Variants in NEIL3 observed in about 807,000 individuals in gnomAD.
NEIL3 encodes nei like DNA glycosylase 3.
NEIL3 carries 48 observed loss-of-function variants against 57.5 expected under a neutral mutation model. The ratio of observed to expected loss-of-function variants is 0.83; its 90% CI spans 0.66 to 1.06. The LOEUF (loss-of-function observed/expected upper bound fraction) is 1.06, where lower values mean the gene tolerates loss of function less well. Among genes scored for constraint, NEIL3 ranks in the 50% least tolerant of loss-of-function variants. NEIL3 has a pLI of 0.00. For missense variants in NEIL3, 717 were observed against 739.1 expected (o/e 0.97, Z 0.35); for synonymous variants, 261 against 253.2 (o/e 1.03, Z -0.29).
intron 1 of NEIL3, among the ~76,000 whole-genome samples, chr4:177,320,244 G>T (rs1178102024): frequency 6.6e-6 from 1 of 152,050 alleles, no homozygotes; most frequent in African/African-American, 2.4e-5. Flanking sequence ...TGTCAATTCA[G>T]GGCTCTAAAA....
intron 2 of NEIL3, among the ~76,000 whole-genome samples, chr4:177,331,688 A>G (rs1018689507): frequency 6.6e-6 from 1 of 152,182 alleles, no homozygotes. Flanking sequence ...GAAGACAAAA[A>G]GCTAAATCCC....
At chr4:177,368,355 A>G in the NEIL3 span, among the ~76,000 whole-genome samples, 67 of 152,276 alleles carry the variant, frequency 4.4e-4, no homozygotes, top group Non-Finnish European at 8.2e-4. Flanking sequence ...TTATCATTGT[A>G]TATTATAGTT....
In NEIL3 at chr4:177,353,366, G is replaced by A. The variant is rs150639375; in HGVS notation, c.1098G>A (p.Pro366=). 2.6e-4 allele frequency: 423 copies of A among 1,613,732 alleles called. 1 individual carries two copies. Among genetic ancestry groups the A allele is most frequent in the Admixed American group, 1.5e-3 (90 of 59,984 alleles). The part of the protein sequence containing the change: ...STVFSHLMKY[P]CNTFGKPHTE... ...TCTTTAGCCACTTAATGAAGTACCC[G>A]TGTAATACTTTTGGAAAACCTCATA... The change falls in exon 8 of 10, where the codon CCG becomes CCA. Residue 366 remains proline (P), a synonymous_variant. Coordinates refer to ENST00000264596, the MANE Select transcript of NEIL3 (RefSeq NM_018248.3).
intron 1 of NEIL3, among the ~76,000 whole-genome samples, chr4:177,319,969 G>A (rs1438755584): frequency 6.6e-6 from 1 of 152,146 alleles, no homozygotes; most frequent in East Asian, 1.9e-4. Context: ...ACTTATAAAT[G>A]TGGGTTTAAA....
At chr4:177,360,245 A>T (rs972641010) in intron 8 of NEIL3, among the ~76,000 whole-genome samples, 13 of 152,274 alleles carry the variant, frequency 8.5e-5, no homozygotes, top group African/African-American at 2.9e-4. Context: ...TTTACTGGAT[A>T]CACAGTCCAG....
At chr4:177,316,042 CT>C (rs1282957672) in intron 1 of NEIL3, among the ~76,000 whole-genome samples, 1 of 152,136 alleles carries the variant, frequency 6.6e-6, no homozygotes, top group Admixed American at 6.5e-5. Flanking sequence ...TATATGCTAT[CT>C]TTTTTCCTAT....
intron 1 of NEIL3, among the ~76,000 whole-genome samples, chr4:177,310,619 T>C (rs1205895478): frequency 1.3e-5 from 2 of 152,236 alleles, no homozygotes; most frequent in East Asian, 1.9e-4. Context: ...CAACTTCATA[T>C]TGCCATCTAA....
intron 4 of NEIL3, among the ~76,000 whole-genome samples, chr4:177,336,580 C>T (rs1734983801): frequency 1.3e-5 from 2 of 152,142 alleles, no homozygotes; most frequent in Admixed American, 6.5e-5. Context: ...TTTTTGTTCT[C>T]TCCATACCAG....
chr4:177,319,720 T>C (rs562199995), intron 1 of NEIL3, among the ~76,000 whole-genome samples: 4 of 152,130 alleles, frequency 2.6e-5, no homozygotes, highest in Admixed American at 6.5e-5. Context: ...GGAGTGGCAG[T>C]AGTAGCAAAT....
chr4:177,322,277 A>G (rs34508969), intron 1 of NEIL3, among the ~76,000 whole-genome samples, 182 bp from the exon 2 acceptor site: 58 of 152,162 alleles, frequency 3.8e-4, no homozygotes, highest in African/African-American at 1.3e-3. Context: ...AAATGACTGC[A>G]TAGTGATTTG....
intron 2 of NEIL3, among the ~76,000 whole-genome samples, chr4:177,331,411 T>TACTA (rs1734882585): frequency 6.6e-6 from 1 of 151,888 alleles, no homozygotes; most frequent in Non-Finnish European, 1.5e-5. Flanking sequence ...TGTGCCTTTA[T>TACTA]ACTAGATCCT....
chr4:177,353,687 A>T lies in NEIL3; in HGVS notation c.1419A>T (p.Ser473=), dbSNP rs897051536. 31 of 1,613,494 alleles carry T rather than the reference A, an allele frequency of 1.9e-5. No individual in the cohort carries two copies. Among genetic ancestry groups the T allele is most frequent in the Non-Finnish European group, 2.6e-5 (31 of 1,179,784 alleles). ...AAAAACCGAAAACAGCCCAATACTC[A>T]TCACCAGAGCTTAAAAGCTGCAACC... ...AHKKPKTAQY[S]SPELKSCNPG... is the part of the protein sequence containing the mutation. The change falls in exon 8 of 10, where the codon TCA becomes TCT. Residue 473 remains serine (S), a synonymous_variant. Transcript: ENST00000264596.
intron 4 of NEIL3, 88 bp downstream of exon 4, chr4:177,336,409 A>G (rs958014917): frequency 2.1e-6 from 2 of 973,320 alleles, no homozygotes; most frequent in Admixed American, 4.4e-5. Flanking sequence ...GCATTTCAGT[A>G]ACACAGTCTC....
At chr4:177,352,976 T>C (rs548439696) in intron 7 of NEIL3, among the ~76,000 whole-genome samples, 1 of 152,344 alleles carries the variant, frequency 6.6e-6, no homozygotes, top group African/African-American at 2.4e-5. Flanking sequence ...ATCTCTCAAC[T>C]ACCACTTTTT....
rs749430879 is a variant in NEIL3, at chr4:177,351,206, C to CAAAAAAAA, written c.870-149_870-142dup. 6.0e-4 allele frequency among the ~76,000 whole-genome samples: 35 copies of CAAAAAAAA among 58,522 alleles called. 2 individuals carry two copies. Among genetic ancestry groups the CAAAAAAAA allele is most frequent in the African/African-American group, 1.2e-3 (15 of 12,830 alleles). 38.4% of individuals were successfully genotyped at this position (58,522 alleles called of 152,430 possible). A position where few individuals can be genotyped will look rare whatever the true frequency, so the allele number is the denominator to read the frequency against. ...ATGACAGAGCAAGACCCCATCTCTA[C>CAAAAAAAA]AAAAAAAAAAAAAAAAAAAAAAAAA... On this transcript the variant is annotated intron_variant, in intron 6 of 9. Transcript: ENST00000264596.
intron 2 of NEIL3, among the ~76,000 whole-genome samples, chr4:177,333,336 A>G (rs553266393): frequency 6.6e-6 from 1 of 152,250 alleles, no homozygotes; most frequent in South Asian, 2.1e-4. Flanking sequence ...CTTATTTACT[A>G]GTTTCTTTAG....
intron 2 of NEIL3, among the ~76,000 whole-genome samples, chr4:177,327,599 A>C (rs1437066115): frequency 6.6e-6 from 1 of 151,870 alleles, no homozygotes; most frequent in Non-Finnish European, 1.5e-5. Context: ...CCCACACCCT[A>C]TATGCCTTTT....
At chr4:177,338,107 A>G (rs1735014652) in intron 4 of NEIL3, among the ~76,000 whole-genome samples, 1 of 152,232 alleles carries the variant, frequency 6.6e-6, no homozygotes, top group Non-Finnish European at 1.5e-5. Context: ...CTGAAAAAGT[A>G]CAGTTTAACT....
At chr4:177,365,479 A>G (rs1166010789), downstream of NEIL3, among the ~76,000 whole-genome samples, 4 of 152,198 alleles carry the variant, frequency 2.6e-5, no homozygotes. Context: ...AACATTTGCA[A>G]ACATTTATTC....
Sources: gnomAD v4.1 joint callset for allele counts (sites outside exome capture counted in the v4.1 genomes callset) on GRCh38, gnomAD v4.1.1 for gene constraint, MANE v1.5 for transcripts, NCBI Gene and HGNC (gene_info 2026-07-23, HGNC 2026-07-21) for gene names.